The following ATRNL1 variants were observed in gnomAD, a reference collection of about 807,000 sequenced individuals.
ATRNL1 encodes the protein attractin-like protein 1.
Under a neutral mutation model 182.7 loss-of-function variants are expected in ATRNL1, and 95 were observed. The ratio of observed to expected loss-of-function variants is 0.52; its 90% CI spans 0.44 to 0.62. ATRNL1 has a LOEUF of 0.62. Ranked by LOEUF, ATRNL1 falls within the 20% of genes least tolerant of loss-of-function variation. The probability of loss-of-function intolerance (pLI) is 0.00; values close to 1 mark genes in which losing one functional copy is unlikely to be tolerated. For missense variants in ATRNL1, 1,471 were observed against 1,679.5 expected (o/e 0.88, Z 2.17); for synonymous variants, 576 against 568.3 (o/e 1.01, Z -0.19).
chr10:115,831,325 A>G (rs1343743823), intron 27 of ATRNL1, among the ~76,000 whole-genome samples: 4 of 152,068 alleles, frequency 2.6e-5, no homozygotes, highest in African/African-American at 4.8e-5. Context: ...TCAATCTTAC[A>G]TCTTTCATAT....
intron 5 of ATRNL1, among the ~76,000 whole-genome samples, chr10:115,146,929 A>G (rs538319353): frequency 6.6e-6 from 1 of 152,146 alleles, no homozygotes; most frequent in African/African-American, 2.4e-5. Context: ...GTGCTGCAGT[A>G]AATATGCAGG....
chr10:115,679,387 C>T (rs1555043954), intron 26 of ATRNL1, among the ~76,000 whole-genome samples: 1 of 151,856 alleles, frequency 6.6e-6, no homozygotes, highest in East Asian at 1.9e-4. Context: ...CACTGGGCTT[C>T]TTATCTGTTT....
chr10:115,782,116 CT>C, intron 27 of ATRNL1, among the ~76,000 whole-genome samples: 1 of 152,310 alleles, frequency 6.6e-6, no homozygotes, highest in Middle Eastern at 3.4e-3. Context: ...GTTTAAGTGT[CT>C]TTACGCTATT....
chr10:115,121,118 A>AT (rs35660681), intron 2 of ATRNL1, among the ~76,000 whole-genome samples: 3,866 of 147,456 alleles, frequency 0.026, 156 homozygotes, highest in African/African-American at 0.088. Context: ...CAAGAGAAAG[A>AT]TTTTTTTTTT....
intron 13 of ATRNL1, among the ~76,000 whole-genome samples, chr10:115,272,954 C>A (rs781933215): frequency 1.3e-5 from 2 of 152,092 alleles, no homozygotes; most frequent in Non-Finnish European, 2.9e-5. Context: ...GCAGTTATGG[C>A]AGAAGCATTG....
At chr10:115,094,101 T>TCCCCGCCCCACTCGCGGCCTC (rs1564729542) in intron 1 of ATRNL1, 58 bp downstream of exon 1, 58 of 1,297,352 alleles carry the variant, frequency 4.5e-5, no homozygotes, top group Non-Finnish European at 5.7e-5. Context: ...GTCGCGGCCT[T>TCCCCGCCCCACTCGCGGCCTC]CCCCGCCCCC....
chr10:115,307,359 T>C (rs1309748535), intron 17 of ATRNL1, among the ~76,000 whole-genome samples: 1 of 152,102 alleles, frequency 6.6e-6, no homozygotes, highest in East Asian at 1.9e-4. Context: ...GCCTTCTGGG[T>C]TGAAGCAATT....
At chr10:115,249,946 T>A (rs1554905054) in intron 10 of ATRNL1, among the ~76,000 whole-genome samples, 1 of 152,224 alleles carries the variant, frequency 6.6e-6, no homozygotes, top group East Asian at 1.9e-4. Flanking sequence ...TTAGACTACT[T>A]GTAAACACAT....
intron 27 of ATRNL1, among the ~76,000 whole-genome samples, chr10:115,843,411 AAAAGTT>A (rs376813428): frequency 4.4e-4 from 67 of 152,208 alleles, no homozygotes; most frequent in African/African-American, 1.3e-3. Context: ...AGAGGGTCAC[AAAAGTT>A]AAAGTTAAAG....
intron 20 of ATRNL1, among the ~76,000 whole-genome samples, chr10:115,395,942 C>T (rs1389648): frequency 0.25 from 37,511 of 151,016 alleles, 5,423 homozygotes; most frequent in Non-Finnish European, 0.34. Context: ...TAAATTCCAA[C>T]CATAATAATT....
At chr10:115,096,617 T>C in intron 1 of ATRNL1, 1 of 1,264,452 alleles carries the variant, frequency 7.9e-7, no homozygotes, top group Non-Finnish European at 1.0e-6. Flanking sequence ...GTTGGCTCCA[T>C]GGTAACTTAG....
intron 21 of ATRNL1, among the ~76,000 whole-genome samples, chr10:115,449,650 G>C (rs142146830): frequency 6.6e-6 from 1 of 152,058 alleles, no homozygotes; most frequent in Non-Finnish European, 1.5e-5. Context: ...TGCTTCTGCC[G>C]GCACCCAGAA....
chr10:115,106,208 C>G (rs1294230354), intron 1 of ATRNL1, among the ~76,000 whole-genome samples: 1 of 152,200 alleles, frequency 6.6e-6, no homozygotes, highest in Non-Finnish European at 1.5e-5. Flanking sequence ...TAAAATTTGA[C>G]TACCCTGTTG....
chr10:115,447,914 T>G (rs1169563051), intron 21 of ATRNL1, among the ~76,000 whole-genome samples: 5 of 152,046 alleles, frequency 3.3e-5, no homozygotes, highest in African/African-American at 1.2e-4. Context: ...GTTTTTAGTC[T>G]CTTTAATATT....
chr10:115,778,691 A>G (rs935897445), intron 27 of ATRNL1, among the ~76,000 whole-genome samples: 1 of 152,212 alleles, frequency 6.6e-6, no homozygotes, highest in Non-Finnish European at 1.5e-5. Flanking sequence ...CTTGGGCTTT[A>G]TTCTGTTGGC....
chr10:115,093,567 A>G lies in ATRNL1; in HGVS notation c.-184A>G. On this transcript the variant is annotated 5_prime_UTR_variant, in exon 1 of 29. Transcript: ENST00000355044. The surrounding 1 kb of genome is among the most constrained non-coding windows in gnomAD (Gnocchi z 6.1). Reference sequence around the variant, plus strand: ...GCGATGCCCGAGTGCGACTGGAGGCAGCCGAGCGGAGGCGACGGCGGTTGG... The same window carrying G: ...GCGATGCCCGAGTGCGACTGGAGGCGGCCGAGCGGAGGCGACGGCGGTTGG... 1.4e-6 allele frequency: 1 copy of G among 722,440 alleles called. No individual in the cohort carries two copies. Among genetic ancestry groups the G allele is most frequent in the South Asian group, 1.5e-5 (1 of 66,896 alleles). The allele number at this position is 722,440 out of a possible 1,614,324, so 44.8% of individuals were successfully genotyped here.
chr10:115,491,494 G>A (rs1197990114), intron 24 of ATRNL1, among the ~76,000 whole-genome samples: 8 of 152,020 alleles, frequency 5.3e-5, no homozygotes, highest in African/African-American at 1.9e-4. Context: ...GCCTTGCTGA[G>A]CTGCAGTGGG....
At position 115,696,017 on chromosome 10, in the gene ATRNL1, G is replaced by A. The variant is rs577849672; in HGVS notation, c.3796-31231G>A. On this transcript the variant is annotated intron_variant, in intron 26 of 28. Coordinates refer to ENST00000355044, the MANE Select transcript of ATRNL1 (RefSeq NM_207303.4). ...AGGTTCACGCCATTCTCCTGCCTCA[G>A]CCTCCTGAGTAGCTGGGACTACAGG... Among the ~76,000 whole-genome samples the A allele has an allele frequency of 7.5e-4, 114 of 151,990 alleles. 1 individual carries two copies. The highest frequency in any genetic ancestry group is 2.5e-3 in the African/African-American group (102 of 41,458).
intron 25 of ATRNL1, among the ~76,000 whole-genome samples, chr10:115,532,249 TC>T (rs1270721039): frequency 6.6e-6 from 1 of 152,240 alleles, no homozygotes; most frequent in Non-Finnish European, 1.5e-5. Flanking sequence ...TATTGATTCT[TC>T]CTACCCATGA....
Sources: gnomAD v4.1 joint callset for allele counts (sites outside exome capture counted in the v4.1 genomes callset) on GRCh38, gnomAD v4.1.1 for gene constraint, Gnocchi (gnomAD v3.1) non-coding constraint, MANE v1.5 for transcripts, NCBI Gene and HGNC (gene_info 2026-07-23, HGNC 2026-07-21) for gene names.